The following AUTS2 variants were observed in gnomAD, a reference collection of about 807,000 sequenced individuals.
AUTS2 encodes activator of transcription and developmental regulator AUTS2, also known as autism susceptibility gene 2 protein.
A neutral mutation model predicts 112.4 loss-of-function variants in AUTS2; 17 were observed. The observed-to-expected ratio is 0.15, with a 90% CI of 0.10 to 0.23. The LOEUF (loss-of-function observed/expected upper bound fraction) is 0.23, where lower values mean the gene tolerates loss of function less well. Among genes scored for constraint, AUTS2 ranks in the 10% least tolerant of loss-of-function variants. AUTS2 has a pLI of 1.00. For missense variants in AUTS2, 1,510 were observed against 1,701.6 expected (o/e 0.89, Z 1.98); for synonymous variants, 751 against 702.7 (o/e 1.07, Z -1.09).
Position 70,009,274 on chromosome 7 carries a change from C to A in AUTS2, c.523-108858C>A, listed in dbSNP as rs894643255. 9.2e-5 allele frequency among the ~76,000 whole-genome samples: 14 copies of A among 152,148 alleles called. 1 individual carries two copies. Among genetic ancestry groups the A allele is most frequent in the African/African-American group, 2.7e-4 (11 of 41,422 alleles). On this transcript the variant is annotated intron_variant, in intron 2 of 18. Transcript: ENST00000342771. ...GTTAATTCACTCATGAAGGCAGTGA[C>A]CCCACGATCTAATCACCTCCTGTTT...
At chr7:69,909,008 T>G (rs1378779720) in intron 2 of AUTS2, among the ~76,000 whole-genome samples, 3 of 152,192 alleles carry the variant, frequency 2.0e-5, no homozygotes, top group Admixed American at 2.0e-4. Context: ...CTTCAGTGAC[T>G]CCAGTACAGG....
chr7:69,846,993 A>G (rs1792232177), intron 1 of AUTS2, among the ~76,000 whole-genome samples: 1 of 152,220 alleles, frequency 6.6e-6, no homozygotes, highest in Non-Finnish European at 1.5e-5. Flanking sequence ...AGGCAGGACT[A>G]GAATCTAGGC....
At chr7:70,370,450 A>C (rs1011611774) in intron 4 of AUTS2, among the ~76,000 whole-genome samples, 1 of 152,172 alleles carries the variant, frequency 6.6e-6, no homozygotes. Flanking sequence ...CTTGTGGCTG[A>C]TTTCTTTCAC....
intron 1 of AUTS2, among the ~76,000 whole-genome samples, chr7:69,600,934 G>A (rs1792369294): frequency 6.6e-6 from 1 of 150,682 alleles, no homozygotes; most frequent in South Asian, 2.1e-4. Context: ...CACCTGCAGC[G>A]TTGATTTTCA....
intron 1 of AUTS2, among the ~76,000 whole-genome samples, chr7:69,687,695 CTCTT>C (rs1405153018): frequency 6.6e-6 from 1 of 152,286 alleles, no homozygotes; most frequent in Non-Finnish European, 1.5e-5. Context: ...ACCTTTCTCT[CTCTT>C]TCTTTTTAAA....
intron 1 of AUTS2, among the ~76,000 whole-genome samples, chr7:69,667,293 G>A (rs536995574): frequency 6.6e-6 from 1 of 151,898 alleles, no homozygotes; most frequent in South Asian, 2.1e-4. Flanking sequence ...TGTGAGTTTT[G>A]GAGCAGATGA....
intron 6 of AUTS2, among the ~76,000 whole-genome samples, chr7:70,702,098 T>C (rs1403224694): frequency 2.0e-5 from 3 of 152,216 alleles, no homozygotes; most frequent in African/African-American, 7.2e-5. Context: ...GTGCAGAAAA[T>C]GAGTTCTTTG....
At chr7:70,747,882 C>T (rs999919990) in intron 6 of AUTS2, among the ~76,000 whole-genome samples, 4 of 151,352 alleles carry the variant, frequency 2.6e-5, no homozygotes, top group African/African-American at 4.9e-5. Context: ...AGTGCAGTGG[C>T]GCGATCTCGG....
intron 4 of AUTS2, among the ~76,000 whole-genome samples, chr7:70,399,897 G>A (rs1045179476): frequency 7.2e-5 from 11 of 152,212 alleles, no homozygotes; most frequent in Non-Finnish European, 1.6e-4. Flanking sequence ...TTAGTGTGCG[G>A]TGGTAAGCTA....
chr7:69,844,994 T>C (rs911125175), intron 1 of AUTS2, among the ~76,000 whole-genome samples: 1 of 152,182 alleles, frequency 6.6e-6, no homozygotes, highest in African/African-American at 2.4e-5. Context: ...TTATGAGTAA[T>C]GGAAAACCCA....
intron 4 of AUTS2, among the ~76,000 whole-genome samples, chr7:70,214,930 G>T (rs946928639): frequency 6.6e-6 from 1 of 152,074 alleles, no homozygotes; most frequent in Non-Finnish European, 1.5e-5. Flanking sequence ...ATCTTTAACC[G>T]TAGATGATAT....
chr7:70,672,844 G>A (rs766359747), intron 5 of AUTS2, among the ~76,000 whole-genome samples: 2 of 152,108 alleles, frequency 1.3e-5, no homozygotes, highest in African/African-American at 2.4e-5. Flanking sequence ...CTCGTGATCT[G>A]CCTGCCTCGG....
chr7:70,405,791 C>CA (rs1794506496), intron 4 of AUTS2, among the ~76,000 whole-genome samples: 1 of 152,170 alleles, frequency 6.6e-6, no homozygotes, highest in African/African-American at 2.4e-5. Context: ...CATACCCTTG[C>CA]AATGTTCAAA....
intron 1 of AUTS2, among the ~76,000 whole-genome samples, chr7:69,636,835 G>T (rs1417092565): frequency 6.6e-6 from 1 of 151,860 alleles, no homozygotes; most frequent in Non-Finnish European, 1.5e-5. Flanking sequence ...GCGCGATCTC[G>T]GCTCACTCCA....
At chr7:70,171,074 T>C (rs1047099380) in intron 4 of AUTS2, among the ~76,000 whole-genome samples, 1 of 152,216 alleles carries the variant, frequency 6.6e-6, no homozygotes. Context: ...CCAGGTTCTG[T>C]AGTTATTTGT....
intron 4 of AUTS2, among the ~76,000 whole-genome samples, chr7:70,143,599 C>T (rs1052362601): frequency 2.0e-5 from 3 of 152,176 alleles, no homozygotes; most frequent in Non-Finnish European, 1.5e-5. Context: ...TGTATTTAAT[C>T]TCTGCTCTGA....
At chr7:70,511,857 A>G (rs904013366) in intron 5 of AUTS2, among the ~76,000 whole-genome samples, 39 of 152,214 alleles carry the variant, frequency 2.6e-4, no homozygotes, top group Admixed American at 4.6e-4. Flanking sequence ...GATTACAGGC[A>G]TGAACCATCA....
chr7:70,639,469 C>T (rs796127603), intron 5 of AUTS2, among the ~76,000 whole-genome samples: 2 of 151,440 alleles, frequency 1.3e-5, no homozygotes, highest in African/African-American at 4.8e-5. Context: ...ATAAATAAGC[C>T]AGGCAGGTGT....
intron 2 of AUTS2, among the ~76,000 whole-genome samples, chr7:69,963,214 TTAA>T (rs201575988): frequency 6.6e-6 from 1 of 152,136 alleles, no homozygotes; most frequent in East Asian, 1.9e-4. Flanking sequence ...GGATAAGTTA[TTAA>T]TAATAATAAT....
Sources: allele counts gnomAD v4.1 joint callset (sites outside exome capture counted in the v4.1 genomes callset), GRCh38; gene constraint gnomAD v4.1.1; transcripts MANE v1.5; gene names NCBI Gene and HGNC (gene_info 2026-07-23, HGNC 2026-07-21).